Variants in MARK4 observed in about 807,000 individuals in gnomAD.
MARK4 encodes microtubule affinity regulating kinase 4.
A neutral mutation model predicts 81.5 loss-of-function variants in MARK4; 19 were observed. The ratio of observed to expected loss-of-function variants is 0.23; its 90% CI spans 0.16 to 0.34. MARK4 has a LOEUF of 0.34. MARK4 is among the 10% of genes least tolerant of loss of function. The probability of loss-of-function intolerance (pLI) is 1.00; values close to 1 mark genes in which losing one functional copy is unlikely to be tolerated. For missense variants in MARK4, 772 were observed against 1,058.8 expected (o/e 0.73, Z 3.76); for synonymous variants, 436 against 439.0 (o/e 0.99, Z 0.08).
rs1970526650 is a variant in MARK4, at chr19:45,271,516, T to C, written c.594T>C (p.Ala198=). The change falls in exon 8 of 17, where the codon GCT becomes GCC. Residue 198 remains alanine, a synonymous_variant. Transcript: ENST00000262891. The surrounding 1 kb of genome is among the most constrained non-coding windows in gnomAD (Gnocchi z 4.1). ...ATGCCGAGGCCAACATCAAGATTGC[T>C]GACTTTGGCTTCAGCAACGAGTTCA... ...LLDAEANIKI[A]DFGFSNEFTL... The C allele has an allele frequency of 6.2e-7, 1 of 1,614,240 alleles. No homozygotes were observed. Among genetic ancestry groups the C allele is most frequent in the Non-Finnish European group, 8.5e-7 (1 of 1,180,040 alleles).
chr19:45,263,131 G>A lies in MARK4; in HGVS notation c.271G>A (p.Asp91Asn), dbSNP rs1443710354. 2.5e-6 allele frequency: 4 copies of A among 1,607,458 alleles called. No individual in the cohort carries two copies. Among genetic ancestry groups the A allele is most frequent in the Non-Finnish European group, 3.4e-6 (4 of 1,176,774 alleles). The change falls in exon 3 of 17, where the codon GAC becomes AAC. Residue 91 changes from aspartate to asparagine, a missense_variant. Transcript: ENST00000262891. ...CCTCTAGGTTGCCATCAAGATTATCGACAAAACCCAGCTGAATCCCAGCAG... is the reference window on the plus strand; with the variant it reads ...CCTCTAGGTTGCCATCAAGATTATCAACAAAACCCAGCTGAATCCCAGCAG... The part of the protein sequence containing the change: ...TGREVAIKII[D>N]KTQLNPSSLQ...
In MARK4 at chr19:45,297,813, C is replaced by T. The variant is rs1462687396; in HGVS notation, c.1736C>T (p.Ala579Val). Residue 579 changes from alanine to valine, a missense_variant, in exon 15 of 17, where the codon GCA (alanine) becomes GTA (valine). By Grantham distance (64) the Ala-to-Val change is moderately conservative. Coordinates refer to ENST00000262891, the MANE Select transcript of MARK4 (RefSeq NM_001199867.2). ...FHGGQVRDRR[A>V]GGGGGGGVQN... is the part of the protein sequence containing the mutation. ...GGTGGCCAGGTCCGGGACCGGCGGG[C>T]AGGGGGTGGGGGTGGTGGGGGTGTG... is the stretch of plus-strand genomic sequence containing the variant. 15 of 1,540,956 alleles carry T rather than the reference C, an allele frequency of 9.7e-6. No homozygotes were observed. Among genetic ancestry groups the T allele is most frequent in the Non-Finnish European group, 1.3e-5 (15 of 1,143,076 alleles).
intron 10 of MARK4, among the ~76,000 whole-genome samples, chr19:45,279,430 T>C (rs1334093253): frequency 6.6e-6 from 1 of 152,138 alleles, no homozygotes; most frequent in Admixed American, 6.6e-5. Flanking sequence ...GGCACGAGAA[T>C]TGCTTGAATC....
intron 12 of MARK4, among the ~76,000 whole-genome samples, chr19:45,284,955 G>A (rs1236584603): frequency 6.6e-6 from 1 of 152,104 alleles, no homozygotes; most frequent in Non-Finnish European, 1.5e-5. Context: ...GCCGGGTGTG[G>A]TGGTGAGCAC....
At chr19:45,285,261 CAAAAAAAAA>C (rs71173139) in intron 12 of MARK4, among the ~76,000 whole-genome samples, 1 of 57,108 alleles carries the variant, frequency 1.8e-5, no homozygotes, top group Admixed American at 2.0e-4. Flanking sequence ...TGCCGTGTCT[CAAAAAAAAA>C]AAAAAAAAAA....
intron 13 of MARK4, among the ~76,000 whole-genome samples, chr19:45,292,078 G>C (rs1222265140): frequency 6.6e-6 from 1 of 152,184 alleles, no homozygotes; most frequent in East Asian, 1.9e-4. Flanking sequence ...TGTAGGACTT[G>C]GCTTTTTTGC....
Position 45,251,497 on chromosome 19 carries a change from C to A in MARK4, c.-92C>A. ...GGCGCCCAGCTTTTGAGCTCGCGTC[C>A]CCAGGCCGGCGGGGGGGGAGGGGAA... On this transcript the variant is annotated 5_prime_UTR_variant, in exon 1 of 17. Coordinates refer to ENST00000262891, the MANE Select transcript of MARK4 (RefSeq NM_001199867.2). 1 of 776,264 alleles carries A rather than the reference C, an allele frequency of 1.3e-6. No homozygotes were observed. Among genetic ancestry groups the A allele is most frequent in the Non-Finnish European group, 1.9e-6 (1 of 523,444 alleles). The allele number at this position is 776,264 out of a possible 1,614,324, so 48.1% of individuals were successfully genotyped here.
rs560978323 is a variant in MARK4, at chr19:45,284,980, ACTTG to A, written c.1277-2466_1277-2463del. ...GTGGTGAGCACCTGTAATCTCAGCTACTTGGGAGGCTGAGGCAGGAGAATTGCTG... is the reference window on the plus strand; with the variant it reads ...GTGGTGAGCACCTGTAATCTCAGCTAGGAGGCTGAGGCAGGAGAATTGCTG... On this transcript the variant is annotated intron_variant, in intron 12 of 16. Transcript: ENST00000262891. Among the ~76,000 whole-genome samples the A allele has an allele frequency of 2.0e-5, 3 of 152,224 alleles. No individual in the cohort carries two copies. The East Asian group carries it at 5.8e-4, about 30-fold the overall frequency.
intron 2 of MARK4, among the ~76,000 whole-genome samples, chr19:45,261,005 T>C (rs773092240): frequency 2.0e-5 from 3 of 152,190 alleles, no homozygotes; most frequent in Non-Finnish European, 2.9e-5. Context: ...GGTGATTTCA[T>C]GATTTCCCCA....
intron 11 of MARK4, 24 bp downstream of exon 11, chr19:45,280,507 G>A (rs1212814600): frequency 3.7e-6 from 6 of 1,613,958 alleles, no homozygotes; most frequent in Middle Eastern, 3.3e-4. Context: ...AGGGGCCCTT[G>A]GGGACGCGTG....
chr19:45,301,645 G>C (rs1223125495), intron 16 of MARK4, among the ~76,000 whole-genome samples: 2 of 148,856 alleles, frequency 1.3e-5, no homozygotes, highest in East Asian at 3.9e-4. Context: ...CAGATCACAA[G>C]GTCAGGAGAT....
intron 9 of MARK4, 48 bp downstream of exon 9, chr19:45,278,090 C>A (rs1970625036): frequency 6.2e-7 from 1 of 1,603,554 alleles, no homozygotes; most frequent in South Asian, 1.1e-5. Context: ...TCTCCTGACT[C>A]CCCTAAACTC....
chr19:45,269,920 T>C (rs1183190664), intron 7 of MARK4, among the ~76,000 whole-genome samples: 1 of 152,052 alleles, frequency 6.6e-6, no homozygotes, highest in Non-Finnish European at 1.5e-5. Context: ...GTGATGCAGT[T>C]TCAGCTCACG....
intron 14 of MARK4, among the ~76,000 whole-genome samples, chr19:45,294,818 C>T (rs1469460017): frequency 6.6e-6 from 1 of 152,064 alleles, no homozygotes; most frequent in Non-Finnish European, 1.5e-5. Flanking sequence ...GAGGTCTCTT[C>T]CAGCTGGCAA....
chr19:45,259,256 A>G lies in MARK4; in HGVS notation c.252+67A>G, dbSNP rs1970350165. 3.2e-6 allele frequency: 5 copies of G among 1,559,496 alleles called. No homozygotes were observed. The South Asian group carries it at 3.5e-5, about 11-fold the overall frequency. On this transcript the variant is annotated intron_variant, in intron 2 of 16. Transcript: ENST00000262891. ...GGGACCAGGTCTTCGGTGTATGTTG[A>G]TAGAGGTCAGGATTGGCCCTGGGTT...
rs75502240 is a variant in MARK4, at chr19:45,303,264, C to T, written c.*554C>T. The T allele has an allele frequency of 5.2e-3, 803 of 155,904 alleles. 7 individuals carry two copies. The highest frequency in any genetic ancestry group is 0.018 in the African/African-American group (754 of 41,524). 9.7% of individuals were successfully genotyped at this position (155,904 alleles called of 1,614,324 possible). ...CTGCAAAGGTCTCTTGAGGAGCTGCCGCTGTCACCTACGGTTTTTAAGTTA... is the reference window on the plus strand; with the variant it reads ...CTGCAAAGGTCTCTTGAGGAGCTGCTGCTGTCACCTACGGTTTTTAAGTTA... On this transcript the variant is annotated 3_prime_UTR_variant, in exon 17 of 17. Transcript: ENST00000262891.
rs1467586874 is a variant in MARK4 at position 45,286,033 on chromosome 19, A to G, written c.1277-1414A>G. Among the ~76,000 whole-genome samples the G allele has an allele frequency of 3.3e-5, 5 of 152,282 alleles. No individual in the cohort carries two copies. In the East Asian group the frequency reaches 5.8e-4, roughly 18 times the overall value. ...CCCCAGCTCCCAGTTTCTCAAATGC[A>G]GCAACTGTTACGGTTTTTTGTTGTT... On this transcript the variant is annotated intron_variant, in intron 12 of 16. Transcript: ENST00000262891.
At position 45,252,029 on chromosome 19, in the gene MARK4, AG is replaced by A. The variant is rs557656931; in HGVS notation, c.51+392del. Among the ~76,000 whole-genome samples the A allele has an allele frequency of 1.6e-3, 248 of 151,558 alleles. 2 individuals carry two copies. Among genetic ancestry groups the A allele is most frequent in the African/African-American group, 5.6e-3 (231 of 41,308 alleles). On this transcript the variant is annotated intron_variant, in intron 1 of 16. Transcript: ENST00000262891. ...GATTTGCAGGGCCCCTGACCCCCCA[AG>A]GCCCGGCCCTGGCACTCTCAGCAGG... is the stretch of plus-strand genomic sequence containing the variant.
At chr19:45,293,868 G>A (rs576673588) in intron 13 of MARK4, among the ~76,000 whole-genome samples, 2 of 152,350 alleles carry the variant, frequency 1.3e-5, no homozygotes, top group South Asian at 2.1e-4. Context: ...GGGGCCGGGG[G>A]TGGTGGTAGA....
Sources: allele counts gnomAD v4.1 joint callset (sites outside exome capture counted in the v4.1 genomes callset), GRCh38; gene constraint gnomAD v4.1.1; non-coding constraint Gnocchi (gnomAD v3.1); transcripts MANE v1.5; gene names NCBI Gene and HGNC (gene_info 2026-07-23, HGNC 2026-07-21).